ETAA1: variants seen among roughly 807,000 people sequenced by gnomAD.
ETAA1 encodes the protein ewing's tumor-associated antigen 1.
A neutral mutation model predicts 76.8 loss-of-function variants in ETAA1; 49 were observed. The observed-to-expected ratio is 0.64, with a 90% CI of 0.51 to 0.81. The LOEUF is 0.81. Among genes scored for constraint, ETAA1 ranks in the 30% least tolerant of loss-of-function variants. The pLI is 0.00. For missense variants in ETAA1, 1,099 were observed against 1,074.0 expected (o/e 1.02, Z -0.32); for synonymous variants, 373 against 372.2 (o/e 1.00, Z -0.03).
intron 5 of ETAA1, among the ~76,000 whole-genome samples, chr2:67,408,314 T>G (rs552931339): frequency 1.3e-5 from 2 of 152,294 alleles, no homozygotes; most frequent in African/African-American, 4.8e-5. Context: ...ATTTTTACAT[T>G]TTAAATGGTT....
intron 3 of ETAA1, chr2:67,402,649 C>T (rs1676086723): frequency 3.7e-6 from 1 of 266,856 alleles, no homozygotes; most frequent in Non-Finnish European, 7.0e-6. Flanking sequence ...TTTTCATTCT[C>T]TGAAACATAA....
intron 1 of ETAA1, 40 bp downstream of exon 1, chr2:67,397,711 C>A: frequency 6.6e-7 from 1 of 1,525,130 alleles, no homozygotes; most frequent in South Asian, 1.2e-5. Flanking sequence ...GCTTCGGCGC[C>A]GCATCCCCAC....
At chr2:67,399,445 C>A in intron 2 of ETAA1, 105 bp from the exon 3 acceptor site, 1 of 1,128,178 alleles carries the variant, frequency 8.9e-7, no homozygotes, top group Non-Finnish European at 1.3e-6. Flanking sequence ...AACACATAAT[C>A]CTCTAAGCTG....
At position 67,409,998 on chromosome 2, in the gene ETAA1, G is replaced by A. The variant is rs1402635743; in HGVS notation, c.2741G>A (p.Arg914Gln). The A allele has an allele frequency of 1.2e-6, 2 of 1,609,684 alleles. No homozygotes were observed. Among genetic ancestry groups the A allele is most frequent in the African/African-American group, 1.3e-5 (1 of 74,768 alleles). ...CTGGTTCGGAGAATGGCTAAAGCAC[G>A]AGCCTCATCTGTAAATGCAGCTCCC... ...EALVRRMAKA[R>Q]ASSVNAAPTS... The change falls in exon 6 of 6, where the codon CGA becomes CAA. Residue 914 changes from arginine (R) to glutamine (Q), a missense_variant. Physicochemically the swap from Arg to Gln is conservative, Grantham distance 43. Around this residue, in one of 3 missense-constraint regions of ETAA1, gnomAD observed 302 missense variants for 278.1 expected, o/e 1.09. Coordinates refer to ENST00000272342, the MANE Select transcript of ETAA1 (RefSeq NM_019002.4).
intron 3 of ETAA1, chr2:67,400,990 A>ATCT (rs1676039987): frequency 6.6e-6 from 1 of 152,130 alleles, no homozygotes; most frequent in Non-Finnish European, 1.5e-5. Context: ...TTAACAATAG[A>ATCT]TCTTCATTAA....
At chr2:67,401,615 T>C (rs2103745126) in intron 3 of ETAA1, 1 of 152,032 alleles carries the variant, frequency 6.6e-6, no homozygotes, top group African/African-American at 2.4e-5. Flanking sequence ...ATAAATAGTA[T>C]ACAAACATAC....
In ETAA1 at chr2:67,397,515, G is replaced by A. The variant is rs1210856727; in HGVS notation, c.67G>A (p.Ala23Thr). The change falls in exon 1 of 6, where the codon GCG becomes ACG. Residue 23 changes from alanine (A) to threonine (T), a missense_variant. Around this residue, in one of 3 missense-constraint regions of ETAA1, gnomAD observed 761 missense variants for 731.9 expected, o/e 1.04. Transcript: ENST00000272342. ...GAAAACGCCGCACAAAACAGTGGCGGCGGAGGAATGCGGCTCGGTGGTCGA... is the reference window on the plus strand; with the variant it reads ...GAAAACGCCGCACAAAACAGTGGCGACGGAGGAATGCGGCTCGGTGGTCGA... Reference protein sequence around the residue: ...PKKTPHKTVAAEECGSVVEPG... With the variant: ...PKKTPHKTVATEECGSVVEPG... 6.3e-7 allele frequency: 1 copy of A among 1,596,970 alleles called. No individual in the cohort carries two copies. Among genetic ancestry groups the A allele is most frequent in the Admixed American group, 1.7e-5 (1 of 58,012 alleles).
intron 1 of ETAA1, among the ~76,000 whole-genome samples, chr2:67,398,221 C>T (rs1257625049): frequency 6.8e-6 from 1 of 147,660 alleles, no homozygotes; most frequent in Non-Finnish European, 1.5e-5. Flanking sequence ...TTAGGTGTTA[C>T]TTTTTAAAAG....
chr2:67,404,226 C>T lies in ETAA1; in HGVS notation c.1544C>T (p.Thr515Ile). ...AAGGAAGATATTCTTACTAACTCTA[C>T]TGAAGCTTCTGAAAGGAAGTCAGCT... is the stretch of plus-strand genomic sequence containing the variant. ...KIKEDILTNS[T>I]EASERKSALN... Residue 515 changes from threonine (T) to isoleucine (I), a missense_variant, in exon 5 of 6, where the codon ACT becomes ATT. Thr to Ile is a moderately conservative substitution (Grantham distance 89). Transcript: ENST00000272342. 6.2e-7 allele frequency: 1 copy of T among 1,612,260 alleles called. No homozygotes were observed. The highest frequency in any genetic ancestry group is 2.2e-5 in the East Asian group (1 of 44,778).
Position 67,405,273 on chromosome 2 carries a change from A to C in ETAA1, c.2591A>C (p.Glu864Ala), listed in dbSNP as rs1676184881. The C allele has an allele frequency of 6.3e-7, 1 of 1,596,712 alleles. No individual in the cohort carries two copies. The highest frequency in any genetic ancestry group is 1.4e-5 in the African/African-American group (1 of 73,900). The change falls in exon 5 of 6, where the codon GAG becomes GCG. Residue 864 changes from glutamate to alanine, a missense_variant. Glu to Ala is a moderately radical substitution (Grantham distance 107). Coordinates refer to ENST00000272342, the MANE Select transcript of ETAA1 (RefSeq NM_019002.4). ...EKKKGVNPLL[E>A]EAVGQQSLVK... ...AAGAAAGGTGTCAACCCATTACTGG[A>C]GGAAGCTGTTGGACAGCAATCTTTG...
intron 5 of ETAA1, among the ~76,000 whole-genome samples, chr2:67,407,713 C>A (rs1676258046): frequency 6.6e-6 from 1 of 151,944 alleles, no homozygotes; most frequent in Non-Finnish European, 1.5e-5. Context: ...TGTATTCTTA[C>A]AATAAGCTGG....
Position 67,397,665 on chromosome 2 carries a change from C to A in ETAA1, c.217C>A (p.Pro73Thr), listed in dbSNP as rs1489213459. ...PTAALCSKSN[P>T]EERYETPKRA... is the part of the protein sequence containing the mutation. The stretch of plus-strand genomic sequence containing the variant: ...CGCCGCCCTGTGCAGTAAAAGTAAC[C>A]CCGAGGGTGAGACGTCGGCAGCGCG... Residue 73 changes from proline (P) to threonine (T), a missense_variant, in exon 1 of 6, where the codon CCC (proline) becomes ACC (threonine). Physicochemically the swap from Pro to Thr is conservative, Grantham distance 38. Coordinates refer to ENST00000272342, the MANE Select transcript of ETAA1 (RefSeq NM_019002.4). 1.9e-6 allele frequency: 3 copies of A among 1,546,228 alleles called. No homozygotes were observed. Among genetic ancestry groups the A allele is most frequent in the South Asian group, 2.4e-5 (2 of 83,940 alleles).
chr2:67,407,565 G>T (rs1676253729), intron 5 of ETAA1, among the ~76,000 whole-genome samples: 1 of 152,078 alleles, frequency 6.6e-6, no homozygotes, highest in South Asian at 2.1e-4. Flanking sequence ...GCGCTGATCT[G>T]ATTTGCAGTC....
Position 67,404,490 on chromosome 2 carries a change from A to T in ETAA1, c.1808A>T (p.Asp603Val), listed in dbSNP as rs1038834210. Residue 603 changes from aspartate (D) to valine (V), a missense_variant, in exon 5 of 6, where the codon GAT becomes GTT. Asp to Val is a radical substitution (Grantham distance 152, BLOSUM62 -3). Coordinates refer to ENST00000272342, the MANE Select transcript of ETAA1 (RefSeq NM_019002.4). ...CHQLDNTWEA[D>V]DVDDDLLYQA... ...CAATTAGATAATACCTGGGAAGCAG[A>T]TGATGTAGATGATGATTTGTTGTAC... 3.7e-6 allele frequency: 6 copies of T among 1,613,196 alleles called. No individual in the cohort carries two copies. In the Admixed American group the frequency reaches 6.7e-5, roughly 18 times the overall value.
rs1459128710 is a variant in ETAA1, at chr2:67,411,612, A to G, written c.*1574A>G. On this transcript the variant is annotated 3_prime_UTR_variant, in exon 6 of 6. Coordinates refer to ENST00000272342, the MANE Select transcript of ETAA1 (RefSeq NM_019002.4). Reference sequence around the variant, plus strand: ...CTGGGAAAGAATCAAACTTTAAAGTATGGTTTCTATTGGACGCATATCACT... The same window carrying G: ...CTGGGAAAGAATCAAACTTTAAAGTGTGGTTTCTATTGGACGCATATCACT... 3 of 152,034 alleles carry G rather than the reference A, an allele frequency of 2.0e-5. No homozygotes were observed. The highest frequency in any genetic ancestry group is 2.9e-5 in the Non-Finnish European group (2 of 67,976). 9.4% of individuals were successfully genotyped at this position (152,034 alleles called of 1,614,324 possible).
chr2:67,411,109 T>C lies in ETAA1; in HGVS notation c.*1071T>C, dbSNP rs1333345936. ...TCATCTTTTCTTCTCTATTACTGTT[T>C]TGTTTTTTTCTTTTTTTGCCATTTT... On this transcript the variant is annotated 3_prime_UTR_variant, in exon 6 of 6. Transcript: ENST00000272342. The C allele has an allele frequency of 1.3e-5, 2 of 151,844 alleles. No homozygotes were observed. Among genetic ancestry groups the C allele is most frequent in the African/African-American group, 2.4e-5 (1 of 41,204 alleles). The allele number at this position is 151,844 out of a possible 1,614,324, so 9.4% of individuals were successfully genotyped here.
intron 1 of ETAA1, among the ~76,000 whole-genome samples, chr2:67,398,306 CTTTTTTT>C (rs57636211): frequency 2.3e-5 from 2 of 85,406 alleles, no homozygotes; most frequent in Non-Finnish European, 4.7e-5. Flanking sequence ...TGAAATAGTG[CTTTTTTT>C]TTTTTTTTTT....
chr2:67,406,994 A>G (rs36098430), intron 5 of ETAA1, among the ~76,000 whole-genome samples: 10,343 of 152,194 alleles, frequency 0.068, 457 homozygotes, highest in Middle Eastern at 0.13. Context: ...ATCCTTCTGC[A>G]TAAATTTCCG....
intron 5 of ETAA1, among the ~76,000 whole-genome samples, chr2:67,408,072 T>C (rs1400124605): frequency 6.6e-6 from 1 of 152,222 alleles, no homozygotes; most frequent in Non-Finnish European, 1.5e-5. Flanking sequence ...ATCAATATTT[T>C]CTTTAAACTT....
Sources: gnomAD v4.1 joint callset for allele counts (sites outside exome capture counted in the v4.1 genomes callset) on GRCh38, gnomAD v4.1.1 for gene constraint, gnomAD v4.1.1 regional missense constraint, MANE v1.5 for transcripts, NCBI Gene and HGNC (gene_info 2026-07-23, HGNC 2026-07-21) for gene names.